MUC12: variants seen among roughly 807,000 people sequenced by gnomAD.
The protein encoded by MUC12 is mucin 12, cell surface associated, also known as mucin-12.
A neutral mutation model predicts 230.8 loss-of-function variants in MUC12; 172 were observed. That is an observed-to-expected ratio of 0.75 (90% confidence interval 0.66 to 0.85). MUC12 has a LOEUF of 0.85. MUC12 is among the 40% of genes least tolerant of loss of function. MUC12 has a pLI of 0.00. For synonymous variants in MUC12, 1,259 were observed against 2,401.9 expected (o/e 0.52, Z 13.91); for missense variants, 3,506 against 5,920.6 (o/e 0.59, Z 13.38).
intron 7 of MUC12, 37 bp from the exon 8 acceptor site, chr7:101,012,943 G>A (rs759375376): frequency 5.5e-5 from 84 of 1,537,166 alleles, no homozygotes; most frequent in Admixed American, 1.4e-4. Context: ...GGATGCTTTG[G>A]CCAGGCTCAT....
chr7:100,980,676 T>A (rs1414425390), intron 1 of MUC12, among the ~76,000 whole-genome samples: 1 of 152,168 alleles, frequency 6.6e-6, no homozygotes, highest in African/African-American at 2.4e-5. Context: ...GTAATTCCAG[T>A]GCCTTGGGAG....
At chr7:100,983,195 GGATCATGT>G (rs1793136155) in intron 1 of MUC12, among the ~76,000 whole-genome samples, 1 of 152,046 alleles carries the variant, frequency 6.6e-6, no homozygotes, top group Non-Finnish European at 1.5e-5. Context: ...CAAGGCGGGT[GGATCATGT>G]GAGGTCAGGA....
chr7:101,009,660 C>T (rs1793811573), intron 5 of MUC12, among the ~76,000 whole-genome samples: 1 of 152,032 alleles, frequency 6.6e-6, no homozygotes, highest in South Asian at 2.1e-4. Context: ...TAGCGAGATC[C>T]CATCTCTACA....
intron 10 of MUC12, 68 bp from the exon 11 acceptor site, chr7:101,017,507 A>G (rs2116368673): frequency 2.0e-6 from 2 of 991,546 alleles, no homozygotes; most frequent in Admixed American, 2.3e-5. Context: ...TGCCAGAGGA[A>G]ATCCCCTCTG....
intron 1 of MUC12, among the ~76,000 whole-genome samples, chr7:100,974,686 G>A (rs1389927264): frequency 6.6e-6 from 1 of 152,268 alleles, no homozygotes; most frequent in African/African-American, 2.4e-5. Context: ...TTAGCTGTGT[G>A]TGGTGGTGTG....
At position 100,991,040 on chromosome 7, in the gene MUC12, A is replaced by G; in HGVS notation, c.477A>G (p.Ser159=). ...RTLSPARTTS[S]GVSEKSTTSH... is the part of the protein sequence containing the mutation. ...TCTCACCTGCCCGCACGACAAGCTC[A>G]GGCGTCAGTGAAAAATCAACCACCT... The change falls in exon 2 of 12, where the codon TCA becomes TCG. Residue 159 remains serine, a synonymous_variant. Coordinates refer to ENST00000536621, the MANE Select transcript of MUC12 (RefSeq NM_001164462.2). The G allele has an allele frequency of 6.5e-7, 1 of 1,537,662 alleles. No individual in the cohort carries two copies. Among genetic ancestry groups the G allele is most frequent in the Non-Finnish European group, 8.7e-7 (1 of 1,146,876 alleles).
chr7:101,004,994 G>A lies in MUC12; in HGVS notation c.14431G>A (p.Gly4811Ser). 6.5e-7 allele frequency: 1 copy of A among 1,537,574 alleles called. No individual in the cohort carries two copies. The highest frequency in any genetic ancestry group is 2.4e-5 in the East Asian group (1 of 40,924). ...PGSTETTLSP[G>S]SITTSSFAQE... ...CTCAACTGAGACAACACTGTCCCCT[G>A]GCAGCATCACAACTTCATCTTTTGC... The change falls in exon 2 of 12, where the codon GGC (glycine) becomes AGC (serine). Residue 4811 changes from glycine to serine, a missense_variant. Coordinates refer to ENST00000536621, the MANE Select transcript of MUC12 (RefSeq NM_001164462.2).
chr7:100,987,970 TAAAAA>T (rs34064326), intron 1 of MUC12, among the ~76,000 whole-genome samples: 1 of 114,166 alleles, frequency 8.8e-6, no homozygotes, highest in Admixed American at 9.4e-5. Context: ...AAACTACGTC[TAAAAA>T]AAAAAAAAGA....
At chr7:100,976,151 C>T (rs1278779597) in intron 1 of MUC12, among the ~76,000 whole-genome samples, 1 of 53,354 alleles carries the variant, frequency 1.9e-5, no homozygotes, top group Non-Finnish European at 4.0e-5. Flanking sequence ...GGTGGTGTGT[C>T]TCTGTAGTCC....
chr7:100,973,803 C>T (rs1436100429), intron 1 of MUC12, among the ~76,000 whole-genome samples: 1 of 152,124 alleles, frequency 6.6e-6, no homozygotes, highest in Non-Finnish European at 1.5e-5. Context: ...GCCTATAATC[C>T]CAGTGCTTTG....
Position 101,009,115 on chromosome 7 carries a change from C to T in MUC12, c.15207C>T (p.Gly5069=), listed in dbSNP as rs146817159. Residue 5069 remains glycine, a synonymous_variant, in exon 5 of 12, where the codon GGC becomes GGT. Coordinates refer to ENST00000536621, the MANE Select transcript of MUC12 (RefSeq NM_001164462.2). The stretch of plus-strand genomic sequence containing the variant: ...TTCAGATGGATGTCGTTTTGAAGGG[C>T]GACAATCTTCCTCAGTATAGAGGGG... The part of the protein sequence containing the change: ...FKNRMDVVLK[G]DNLPQYRGVN... 1.9e-5 allele frequency: 29 copies of T among 1,537,710 alleles called. No individual in the cohort carries two copies. The African/African-American group carries it at 2.6e-4, about 14-fold the overall frequency.
chr7:101,014,040 A>C lies in MUC12; in HGVS notation c.15766A>C (p.Ile5256Leu). The change falls in exon 9 of 12, where the codon ATC becomes CTC. Residue 5256 changes from isoleucine (I) to leucine (L), a missense_variant. Ile to Leu is a conservative substitution (Grantham distance 5). Coordinates refer to ENST00000536621, the MANE Select transcript of MUC12 (RefSeq NM_001164462.2). ...VLLLALIILI[I>L]LFSLSQRKRH... ...GCTGCTCGCATTGATCATCCTAATC[A>C]TCTTATTCAGCCTATCCCAGAGAAA... 6.5e-7 allele frequency: 1 copy of C among 1,536,420 alleles called. No individual in the cohort carries two copies. The highest frequency in any genetic ancestry group is 1.7e-4 in the Middle Eastern group (1 of 5,978).
rs745589585 is a variant in MUC12, at chr7:100,991,187, C to G, written c.624C>G (p.Ser208=). Residue 208 remains serine, a synonymous_variant, in exon 2 of 12, where the codon TCC becomes TCG. Transcript: ENST00000536621. ...SIPGSTDTTL[S]PGTTTPSSLG... Reference sequence around the variant, plus strand: ...CCGGCTCCACAGACACAACACTGTCCCCTGGCACTACCACACCATCATCCC... The same window carrying G: ...CCGGCTCCACAGACACAACACTGTCGCCTGGCACTACCACACCATCATCCC... 2 of 1,537,526 alleles carry G rather than the reference C, an allele frequency of 1.3e-6. No homozygotes were observed. The highest frequency in any genetic ancestry group is 2.4e-5 in the South Asian group (2 of 84,036).
chr7:100,992,520 G>T lies in MUC12; in HGVS notation c.1957G>T (p.Ala653Ser). 1 of 1,537,886 alleles carries T rather than the reference G, an allele frequency of 6.5e-7. No homozygotes were observed. Among genetic ancestry groups the T allele is most frequent in the African/African-American group, 1.4e-5 (1 of 73,146 alleles). ...TRPAPPTTTS[A>S]FVEPSTTSHG... is the part of the protein sequence containing the mutation. The stretch of plus-strand genomic sequence containing the variant: ...GCCTGCACCTCCTACTACCACATCA[G>T]CCTTTGTTGAGCCATCTACAACCTC... Residue 653 changes from alanine to serine, a missense_variant, in exon 2 of 12, where the codon GCC becomes TCC. Coordinates refer to ENST00000536621, the MANE Select transcript of MUC12 (RefSeq NM_001164462.2).
In MUC12 at chr7:100,992,371, A is replaced by G. The variant is rs371534415; in HGVS notation, c.1808A>G (p.Glu603Gly). 6.5e-7 allele frequency: 1 copy of G among 1,536,098 alleles called. No homozygotes were observed. Among genetic ancestry groups the G allele is most frequent in the African/African-American group, 1.4e-5 (1 of 73,028 alleles). ...PDNTTASGLLEASMPVHSSTR... is the reference protein window; with the variant it reads ...PDNTTASGLLGASMPVHSSTR... ...AACACCACAGCCTCAGGACTCCTTG[A>G]AGCATCTATGCCCGTCCACAGCAGC... Residue 603 changes from glutamate to glycine, a missense_variant, in exon 2 of 12, where the codon GAA (glutamate) becomes GGA (glycine). Physicochemically the swap from Glu to Gly is moderately conservative, Grantham distance 98 (BLOSUM62 -2). Coordinates refer to ENST00000536621, the MANE Select transcript of MUC12 (RefSeq NM_001164462.2).
intron 1 of MUC12, chr7:100,981,432 C>A: frequency 1.6e-6 from 1 of 611,878 alleles, no homozygotes; most frequent in Non-Finnish European, 2.9e-6. Context: ...ATGGCAGAGC[C>A]GAGGGCTTTA....
chr7:100,991,211 C>G lies in MUC12; in HGVS notation c.648C>G (p.Ser216=), dbSNP rs770285254. 5 of 1,537,524 alleles carry G rather than the reference C, an allele frequency of 3.3e-6. No homozygotes were observed. Among genetic ancestry groups the G allele is most frequent in the Admixed American group, 2.0e-5 (1 of 50,960 alleles). Residue 216 remains serine (S), a synonymous_variant, in exon 2 of 12, where the codon TCC becomes TCG. Coordinates refer to ENST00000536621, the MANE Select transcript of MUC12 (RefSeq NM_001164462.2). The stretch of plus-strand genomic sequence containing the variant: ...CCCCTGGCACTACCACACCATCATC[C>G]CTTGGTCCAGAATCTACTACCTTCC... ...TLSPGTTTPS[S]LGPESTTFHS...
chr7:100,983,084 C>T (rs1793134088), intron 1 of MUC12, among the ~76,000 whole-genome samples: 1 of 151,892 alleles, frequency 6.6e-6, no homozygotes, highest in South Asian at 2.1e-4. Context: ...ATCTGAGTGA[C>T]CTTGGAAATT....
chr7:101,018,707 C>T lies in MUC12; in HGVS notation c.*71C>T. 1.4e-6 allele frequency: 2 copies of T among 1,464,010 alleles called. No individual in the cohort carries two copies. Among genetic ancestry groups the T allele is most frequent in the Non-Finnish European group, 1.8e-6 (2 of 1,096,496 alleles). 90.7% of individuals were successfully genotyped at this position (1,464,010 alleles called of 1,614,324 possible). On this transcript the variant is annotated 3_prime_UTR_variant, in exon 12 of 12. Coordinates refer to ENST00000536621, the MANE Select transcript of MUC12 (RefSeq NM_001164462.2). ...TGCAAACACAGAGCCCACCACAAGC[C>T]TCCGGGGCGGGTCAAGAGGAGACCG...
Sources: gnomAD v4.1 joint callset for allele counts (sites outside exome capture counted in the v4.1 genomes callset) on GRCh38, gnomAD v4.1.1 for gene constraint, MANE v1.5 for transcripts, NCBI Gene and HGNC (gene_info 2026-07-23, HGNC 2026-07-21) for gene names.